DEPDC5: variants seen among roughly 807,000 people sequenced by gnomAD.
DEPDC5 encodes DEP domain containing 5, GATOR1 subcomplex subunit.
A neutral mutation model predicts 217.3 loss-of-function variants in DEPDC5; 73 were observed. The observed-to-expected ratio is 0.34, with a 90% CI of 0.28 to 0.41. The LOEUF (loss-of-function observed/expected upper bound fraction) is 0.41, where lower values mean the gene tolerates loss of function less well. Ranked by LOEUF, DEPDC5 falls within the 10% of genes least tolerant of loss-of-function variation. The pLI is 1.00. For synonymous variants in DEPDC5, 733 were observed against 756.7 expected (o/e 0.97, Z 0.51); for missense variants, 1,675 against 2,070.1 (o/e 0.81, Z 3.70).
In DEPDC5 at chr22:31,838,717, A is replaced by C; in HGVS notation, c.2387A>C (p.Gln796Pro). ...RDEDGVQMTA[Q>P]QVFEEFICQR... ...GAAGATGGTGTGCAGATGACAGCCC[A>C]GCAGGTATTTGAAGAGTTTATTTGC... The change falls in exon 27 of 43, where the codon CAG (glutamine) becomes CCG (proline). Residue 796 changes from glutamine to proline, a missense_variant. Gln to Pro is a moderately conservative substitution (Grantham distance 76). Transcript: ENST00000651528. 1 of 1,614,192 alleles carries C rather than the reference A, an allele frequency of 6.2e-7. No homozygotes were observed. Among genetic ancestry groups the C allele is most frequent in the East Asian group, 2.2e-5 (1 of 44,888 alleles).
intron 2 of DEPDC5, chr22:31,755,236 C>T: frequency 2.0e-6 from 1 of 503,782 alleles, no homozygotes; most frequent in Non-Finnish European, 3.5e-6. Flanking sequence ...TTATTAATTA[C>T]AAATCTTCCG....
chr22:31,893,097 A>G (rs1463442526), intron 38 of DEPDC5, among the ~76,000 whole-genome samples: 1 of 151,674 alleles, frequency 6.6e-6, no homozygotes, highest in East Asian at 1.9e-4. Flanking sequence ...GATGGTCTCG[A>G]TCTCTTGACC....
At chr22:31,790,837 C>T (rs574192970) in intron 10 of DEPDC5, among the ~76,000 whole-genome samples, 2 of 151,678 alleles carry the variant, frequency 1.3e-5, no homozygotes, top group Non-Finnish European at 2.9e-5. Context: ...GTCTCCACCC[C>T]CTGGGTTCAA....
intron 24 of DEPDC5, among the ~76,000 whole-genome samples, chr22:31,826,991 T>G (rs2090204152): frequency 6.6e-6 from 1 of 151,824 alleles, no homozygotes; most frequent in South Asian, 2.1e-4. Flanking sequence ...CCTTTTGGGA[T>G]GATGTGATCC....
At chr22:31,840,833 C>T (rs1435891566) in intron 27 of DEPDC5, among the ~76,000 whole-genome samples, 4 of 152,170 alleles carry the variant, frequency 2.6e-5, no homozygotes, top group Admixed American at 2.6e-4. Flanking sequence ...GGCCCTATTC[C>T]AGCAGGGAAC....
Position 31,897,609 on chromosome 22 carries a change from A to C in DEPDC5, c.4331A>C (p.Asn1444Thr), listed in dbSNP as rs758019161. Residue 1444 changes from asparagine (N) to threonine (T), a missense_variant, in exon 40 of 43, where the codon AAC (asparagine) becomes ACC (threonine). Physicochemically the swap from Asn to Thr is moderately conservative, Grantham distance 65. Coordinates refer to ENST00000651528, the MANE Select transcript of DEPDC5 (RefSeq NM_001242896.3). ...CGTGCCCAGCTCTTCATCCCACTCA[A>C]CATCAGCTGCTTGCTCAAGGAGGGC... is the stretch of plus-strand genomic sequence containing the variant. ...PLRAQLFIPL[N>T]ISCLLKEGSE... 6 of 1,613,866 alleles carry C rather than the reference A, an allele frequency of 3.7e-6. No individual in the cohort carries two copies. Among genetic ancestry groups the C allele is most frequent in the Non-Finnish European group, 5.1e-6 (6 of 1,180,002 alleles).
At position 31,813,679 on chromosome 22, in the gene DEPDC5, C is replaced by CTATA. The variant is rs58384211; in HGVS notation, c.1446-1295_1446-1292dup. Among the ~76,000 whole-genome samples, 442 of 144,542 alleles carry CTATA rather than the reference C, an allele frequency of 3.1e-3. 5 individuals carry two copies. Among genetic ancestry groups the CTATA allele is most frequent in the African/African-American group, 8.6e-3 (343 of 39,940 alleles). 94.8% of individuals were successfully genotyped at this position (144,542 alleles called of 152,430 possible). A position where few individuals can be genotyped will look rare whatever the true frequency, so the allele number is the denominator to read the frequency against. On this transcript the variant is annotated intron_variant, in intron 20 of 42. Coordinates refer to ENST00000651528, the MANE Select transcript of DEPDC5 (RefSeq NM_001242896.3). ...TAGGGAATTTTATGTTTTAATAAGGCTATATATATATATATATATATGCAT... is the reference window on the plus strand; with the variant it reads ...TAGGGAATTTTATGTTTTAATAAGGCTATATATATATATATATATATATATGCAT...
chr22:31,810,521 C>T lies in DEPDC5; in HGVS notation c.1325C>T (p.Ser442Phe). Residue 442 changes from serine to phenylalanine, a missense_variant and splice_region_variant, in exon 20 of 43, where the codon TCT (serine) becomes TTT (phenylalanine). Coordinates refer to ENST00000651528, the MANE Select transcript of DEPDC5 (RefSeq NM_001242896.3). ...AATTTATATTATTTGTGTATTTCAG[C>T]TCTCGGGAGTCCAAAAGAATCTGAG... ...SEKAKNGRDT[S>F]LGSPKESENA... The T allele has an allele frequency of 6.2e-7, 1 of 1,614,084 alleles. No homozygotes were observed.
chr22:31,779,280 T>C (rs976522155), intron 8 of DEPDC5, among the ~76,000 whole-genome samples: 2 of 152,238 alleles, frequency 1.3e-5, no homozygotes, highest in Non-Finnish European at 2.9e-5. Context: ...ACATTGTTTG[T>C]AAATACATGT....
At chr22:31,867,071 T>C (rs549790151) in intron 33 of DEPDC5, among the ~76,000 whole-genome samples, 2 of 152,338 alleles carry the variant, frequency 1.3e-5, no homozygotes, top group Admixed American at 1.3e-4. Flanking sequence ...AGTCCTTTTT[T>C]CGGACAAGGT....
At position 31,783,773 on chromosome 22, in the gene DEPDC5, A is replaced by AT. The variant is rs1413323640; in HGVS notation, c.484-129dup. 3.5e-5 allele frequency: 22 copies of AT among 635,278 alleles called. No individual in the cohort carries two copies. In the East Asian group the frequency reaches 6.8e-4, roughly 20 times the overall value. The allele number at this position is 635,278 out of a possible 1,614,324, so 39.4% of individuals were successfully genotyped here. A position where few individuals can be genotyped will look rare whatever the true frequency, so the allele number is the denominator to read the frequency against. On this transcript the variant is annotated intron_variant, in intron 8 of 42. Coordinates refer to ENST00000651528, the MANE Select transcript of DEPDC5 (RefSeq NM_001242896.3). ...TATCATAAAATTTACCATCTTAACC[A>AT]TTTTTAAGTGTATAGTTCAATAGTG...
intron 5 of DEPDC5, among the ~76,000 whole-genome samples, chr22:31,766,109 A>C (rs748998078): frequency 1.3e-5 from 2 of 152,248 alleles, no homozygotes; most frequent in Non-Finnish European, 2.9e-5. Flanking sequence ...AAAACCCACC[A>C]CCACTTTTCT....
chr22:31,771,026 C>T (rs1040182492), intron 7 of DEPDC5, among the ~76,000 whole-genome samples: 9 of 152,030 alleles, frequency 5.9e-5, no homozygotes, highest in African/African-American at 2.2e-4. Flanking sequence ...CAGGTGATCC[C>T]GCCTCCTCAG....
rs1226447791 is a variant in DEPDC5 at position 31,804,143 on chromosome 22, T to C, written c.1082-19T>C. 6.2e-7 allele frequency: 1 copy of C among 1,613,650 alleles called. No homozygotes were observed. The highest frequency in any genetic ancestry group is 8.5e-7 in the Non-Finnish European group (1 of 1,179,684). On this transcript the variant is annotated intron_variant, in intron 15 of 42. Transcript: ENST00000651528. ...TGCCATTCCCTCCCCACAATTCTTT[T>C]TGTCTTTTCTTTTTTTAGGAATTGG...
intron 7 of DEPDC5, among the ~76,000 whole-genome samples, chr22:31,773,113 C>CT (rs2083498539): frequency 6.6e-6 from 1 of 152,122 alleles, no homozygotes; most frequent in Non-Finnish European, 1.5e-5. Flanking sequence ...CTTTGTTTCT[C>CT]TATGTAAATA....
At position 31,821,541 on chromosome 22, in the gene DEPDC5, G is replaced by T. The variant is rs751767527; in HGVS notation, c.1910G>T (p.Arg637Leu). The T allele has an allele frequency of 3.7e-6, 6 of 1,614,064 alleles. No individual in the cohort carries two copies. The highest frequency in any genetic ancestry group is 5.1e-6 in the Non-Finnish European group (6 of 1,180,038). ...GEAIQIHHQT[R>L]QNMAELQGSG... ...GCCATCCAGATCCACCACCAGACCCGACAGAATATGGCGGAGCTACAAGGC... is the reference window on the plus strand; with the variant it reads ...GCCATCCAGATCCACCACCAGACCCTACAGAATATGGCGGAGCTACAAGGC... Residue 637 changes from arginine to leucine, a missense_variant, in exon 23 of 43, where the codon CGA becomes CTA. Around this residue, in one of 11 missense-constraint regions of DEPDC5, gnomAD observed 136 missense variants for 132.2 expected, o/e 1.03. Coordinates refer to ENST00000651528, the MANE Select transcript of DEPDC5 (RefSeq NM_001242896.3).
chr22:31,771,942 G>T (rs1179791749), intron 7 of DEPDC5, among the ~76,000 whole-genome samples: 1 of 151,982 alleles, frequency 6.6e-6, no homozygotes, highest in African/African-American at 2.4e-5. Flanking sequence ...GGTGGCGCTT[G>T]TAGTCCCAGT....
intron 31 of DEPDC5, among the ~76,000 whole-genome samples, chr22:31,850,223 T>C (rs2064182733): frequency 6.6e-6 from 1 of 151,778 alleles, no homozygotes; most frequent in South Asian, 2.1e-4. Context: ...AAAAATATAA[T>C]ATACATTATA....
At chr22:31,880,585 A>G (rs1427517408) in intron 38 of DEPDC5, among the ~76,000 whole-genome samples, 2 of 152,208 alleles carry the variant, frequency 1.3e-5, no homozygotes, top group African/African-American at 4.8e-5. Context: ...GGTAAAACGG[A>G]GATGTTAATC....
Sources: gnomAD v4.1 joint callset for allele counts (sites outside exome capture counted in the v4.1 genomes callset) on GRCh38, gnomAD v4.1.1 for gene constraint, gnomAD v4.1.1 regional missense constraint, MANE v1.5 for transcripts, NCBI Gene and HGNC (gene_info 2026-07-23, HGNC 2026-07-21) for gene names.